The following GRM7 variants were observed in gnomAD, a reference collection of about 807,000 sequenced individuals.
The protein encoded by GRM7 is glutamate metabotropic receptor 7.
GRM7 carries 35 observed loss-of-function variants against 84.5 expected under a neutral mutation model. That is an observed-to-expected ratio of 0.41 (90% CI 0.32 to 0.55). The LOEUF (loss-of-function observed/expected upper bound fraction) is 0.55. Among genes scored for constraint, GRM7 ranks in the 20% least tolerant of loss-of-function variants. GRM7 has a pLI of 0.19. For missense variants in GRM7, 1,003 were observed against 1,194.6 expected, an observed-to-expected ratio of 0.84 and a Z score of 2.36; for synonymous variants, 487 against 455.1, an observed-to-expected ratio of 1.07 and a Z score of -0.89.
intron 2 of GRM7, among the ~76,000 whole-genome samples, chr3:7,242,522 T>A (rs1697598589): frequency 6.6e-6 from 1 of 152,158 alleles, no homozygotes; most frequent in South Asian, 2.1e-4. Flanking sequence ...CTTTTTAACT[T>A]TGGGCAATTA....
At chr3:7,732,581 G>A (rs768419258) in intron 9 of GRM7, among the ~76,000 whole-genome samples, 6 of 152,180 alleles carry the variant, frequency 3.9e-5, no homozygotes, top group Non-Finnish European at 7.3e-5. Context: ...AAACTAGTGT[G>A]AGGATCCTCT....
intron 1 of GRM7, among the ~76,000 whole-genome samples, chr3:7,071,683 G>C (rs1220521588): frequency 6.6e-6 from 1 of 152,052 alleles, no homozygotes; most frequent in Non-Finnish European, 1.5e-5. Context: ...TTTTCACTAA[G>C]TATGTAAAAC....
At chr3:7,114,132 A>G (rs1331421997) in intron 1 of GRM7, among the ~76,000 whole-genome samples, 1 of 152,158 alleles carries the variant, frequency 6.6e-6, no homozygotes, top group African/African-American at 2.4e-5. Context: ...AAAGCTTAAC[A>G]TTTTGGGGAA....
Position 7,358,775 on chromosome 3 carries a change from T to C in GRM7, c.1033+52123T>C, listed in dbSNP as rs545625651. ...GTGACTGCCCCTTTTCATAATTTAT[T>C]TTTTGTGACCCTGTCTCTCACTATA... On this transcript the variant is annotated intron_variant, in intron 4 of 9. Transcript: ENST00000357716. 3.9e-4 allele frequency among the ~76,000 whole-genome samples: 60 copies of C among 152,228 alleles called. 1 individual carries two copies. The South Asian group carries it at 9.3e-3, about 24-fold the overall frequency.
At chr3:6,887,577 T>C (rs28366531) in intron 1 of GRM7, among the ~76,000 whole-genome samples, 2,050 of 152,314 alleles carry the variant, frequency 0.013, 49 homozygotes, top group African/African-American at 0.045. Context: ...TTTTTATGGC[T>C]GCATAGTATT....
chr3:7,132,603 A>C (rs549202168), intron 1 of GRM7, among the ~76,000 whole-genome samples: 41 of 152,344 alleles, frequency 2.7e-4, no homozygotes, highest in African/African-American at 9.6e-4. Context: ...AAAAAGAAAG[A>C]AAGCATAGCT....
intron 5 of GRM7, among the ~76,000 whole-genome samples, chr3:7,447,618 G>C (rs1460120016): frequency 6.6e-6 from 1 of 152,082 alleles, no homozygotes; most frequent in Admixed American, 6.5e-5. Flanking sequence ...AAAATGACTG[G>C]AGTAGTTGCG....
chr3:6,993,813 G>A (rs1012492902), intron 1 of GRM7, among the ~76,000 whole-genome samples: 1 of 152,144 alleles, frequency 6.6e-6, no homozygotes, highest in Non-Finnish European at 1.5e-5. Context: ...TAAAAATAAG[G>A]GCTTTAATTT....
chr3:6,912,691 T>C (rs1696812570), intron 1 of GRM7, among the ~76,000 whole-genome samples: 1 of 152,152 alleles, frequency 6.6e-6, no homozygotes, highest in Non-Finnish European at 1.5e-5. Context: ...ATAGATCTGA[T>C]CTCTGGATTT....
chr3:7,218,867 C>T (rs987283602), intron 2 of GRM7, among the ~76,000 whole-genome samples: 6 of 151,682 alleles, frequency 4.0e-5, no homozygotes, highest in Admixed American at 2.0e-4. Context: ...TAACATTTTT[C>T]TTTCAATAGC....
intron 5 of GRM7, among the ~76,000 whole-genome samples, chr3:7,446,901 G>C (rs1269150966): frequency 1.3e-5 from 2 of 152,102 alleles, no homozygotes; most frequent in Non-Finnish European, 2.9e-5. Context: ...AAATTAAACA[G>C]GTCTTTCAAA....
chr3:7,284,717 T>C (rs570736934), intron 2 of GRM7, among the ~76,000 whole-genome samples: 16 of 152,256 alleles, frequency 1.1e-4, no homozygotes, highest in African/African-American at 3.9e-4. Flanking sequence ...CTTGGGCAAA[T>C]CATTTTTCAC....
intron 7 of GRM7, among the ~76,000 whole-genome samples, chr3:7,479,409 CAA>C (rs1308189939): frequency 6.6e-6 from 1 of 151,898 alleles, no homozygotes; most frequent in African/African-American, 2.4e-5. Flanking sequence ...AGCAGAGAGG[CAA>C]AGAGTGCGCC....
At chr3:7,167,973 CAAAAAAAAAAAAAAAAAAAAAAAA>C (rs60681836) in intron 2 of GRM7, among the ~76,000 whole-genome samples, 3 of 54,610 alleles carry the variant, frequency 5.5e-5, no homozygotes, top group Non-Finnish European at 6.6e-5. Context: ...GACTCTGTCT[CAAAAAAAAAAAAAAAAAAAAAAAA>C]AAAAAAAAAA....
chr3:7,181,673 A>G (rs1384778066), intron 2 of GRM7, among the ~76,000 whole-genome samples: 1 of 152,006 alleles, frequency 6.6e-6, no homozygotes, highest in African/African-American at 2.4e-5. Flanking sequence ...CGGTGGTGTG[A>G]TCTTGGCTCA....
At chr3:7,063,676 T>A (rs9311974) in intron 1 of GRM7, among the ~76,000 whole-genome samples, 36,487 of 151,504 alleles carry the variant, frequency 0.24, 4,781 homozygotes, top group African/African-American at 0.34. Context: ...ATACACCAAC[T>A]GGAAAAAGAA....
chr3:7,572,725 G>C (rs1303640109), intron 7 of GRM7, among the ~76,000 whole-genome samples: 2 of 149,566 alleles, frequency 1.3e-5, no homozygotes, highest in Non-Finnish European at 3.0e-5. Flanking sequence ...AGGAGGCTGA[G>C]GCAGGAGAAT....
At chr3:7,371,583 C>G (rs1432126580) in intron 4 of GRM7, among the ~76,000 whole-genome samples, 1 of 152,118 alleles carries the variant, frequency 6.6e-6, no homozygotes, top group Non-Finnish European at 1.5e-5. Flanking sequence ...TGAGTGCTTT[C>G]TGCAAGTATA....
At chr3:7,496,196 A>T (rs773358763) in intron 7 of GRM7, among the ~76,000 whole-genome samples, 2 of 152,130 alleles carry the variant, frequency 1.3e-5, no homozygotes, top group African/African-American at 4.8e-5. Context: ...CTCTCCATAG[A>T]CCATGTATTC....
Sources: gnomAD v4.1 joint callset for allele counts (sites outside exome capture counted in the v4.1 genomes callset) on GRCh38, gnomAD v4.1.1 for gene constraint, MANE v1.5 for transcripts, NCBI Gene and HGNC (gene_info 2026-07-23, HGNC 2026-07-21) for gene names.